The following SI variants were observed in gnomAD, a reference collection of about 807,000 sequenced individuals.
SI encodes sucrase-isomaltase.
A neutral mutation model predicts 253.3 loss-of-function variants in SI; 235 were observed. The ratio of observed to expected loss-of-function variants is 0.93; its 90% CI spans 0.83 to 1.03. The LOEUF is 1.03. SI is among the 50% of genes least tolerant of loss of function. The pLI is 0.00. For synonymous variants in SI, 819 were observed against 712.0 expected (o/e 1.15, Z -2.39); for missense variants, 2,442 against 2,211.1 (o/e 1.10, Z -2.09).
chr3:165,013,173 A>C, intron 33 of SI, 131 bp from the exon 34 acceptor site: 1 of 733,728 alleles, frequency 1.4e-6, no homozygotes, highest in Non-Finnish European at 2.5e-6. Context: ...CAATCCCTTC[A>C]AATCTCATTA....
intron 41 of SI, among the ~76,000 whole-genome samples, chr3:164,992,816 A>G (rs944605547): frequency 4.1e-4 from 63 of 152,046 alleles, no homozygotes; most frequent in African/African-American, 1.5e-3. Context: ...GAGTTTGCTT[A>G]TCTTACTTAA....
In SI at chr3:165,032,645, A is replaced by C; in HGVS notation, c.2613T>G (p.Thr871=). The C allele has an allele frequency of 6.2e-7, 1 of 1,607,960 alleles. No homozygotes were observed. The highest frequency in any genetic ancestry group is 8.5e-7 in the Non-Finnish European group (1 of 1,175,632). ...VCTHSSYQEG[T]TLAFQTVKIL... is the part of the protein sequence containing the mutation. ...TTTTTACAGTCTGAAATGCTAAGGT[A>C]GTTCCTTCCTGATATGATGAATGTG... The change falls in exon 24 of 48, where the codon ACT becomes ACG. Residue 871 remains threonine, a synonymous_variant. Coordinates refer to ENST00000264382, the MANE Select transcript of SI (RefSeq NM_001041.4).
intron 36 of SI, among the ~76,000 whole-genome samples, chr3:165,007,561 T>C (rs914986567): frequency 3.3e-5 from 5 of 151,932 alleles, no homozygotes; most frequent in Admixed American, 3.3e-4. Flanking sequence ...TATTTAACAT[T>C]TTTTGAATCT....
chr3:165,082,624 A>C (rs1250970660), upstream of SI, among the ~76,000 whole-genome samples: 1 of 151,936 alleles, frequency 6.6e-6, no homozygotes, highest in Non-Finnish European at 1.5e-5. Flanking sequence ...TCTCATATTA[A>C]AGCTATCCAT....
chr3:165,017,496 T>A, intron 31 of SI, 52 bp downstream of exon 31: 2 of 1,557,678 alleles, frequency 1.3e-6, no homozygotes, highest in Admixed American at 3.4e-5. Flanking sequence ...ATTATTTCAT[T>A]CTACTTTTAC....
chr3:165,040,965 T>G lies in SI; in HGVS notation c.2134A>C (p.Thr712Pro). 1 of 1,611,886 alleles carries G rather than the reference T, an allele frequency of 6.2e-7. No homozygotes were observed. The highest frequency in any genetic ancestry group is 1.1e-5 in the South Asian group (1 of 91,048). The change falls in exon 18 of 48, where the codon ACA (threonine) becomes CCA (proline). Residue 712 changes from threonine to proline, a missense_variant. Coordinates refer to ENST00000264382, the MANE Select transcript of SI (RefSeq NM_001041.4). ...TCATGAAGAACTGGTCTTGCTACTG[T>G]TTCTCCAAACACATGGGCTTTATAA... ...LFYKAHVFGE[T>P]VARPVLHEFY... is the part of the protein sequence containing the mutation.
intron 7 of SI, 89 bp downstream of exon 7, chr3:165,065,172 T>G: frequency 1.2e-6 from 1 of 861,904 alleles, no homozygotes; most frequent in Non-Finnish European, 1.9e-6. Context: ...AGTTGATCAG[T>G]TAAAATAAAT....
At chr3:165,077,233 C>G (rs1576930728) in intron 1 of SI, among the ~76,000 whole-genome samples, 2 of 151,506 alleles carry the variant, frequency 1.3e-5, no homozygotes, top group East Asian at 1.9e-4. Context: ...CAATCCCTCC[C>G]CATCCACTCT....
chr3:165,067,430 C>T lies in SI; in HGVS notation c.545G>A (p.Gly182Glu). The stretch of plus-strand genomic sequence containing the variant: ...ATACAACGTATCAGAAACTGTGGGT[C>T]CAGTAAACTCTTTTACATACTGATG... ...VPHQYVKEFT[G>E]PTVSDTLYDV... Residue 182 changes from glycine to glutamate, a missense_variant, in exon 6 of 48, where the codon GGA becomes GAA. Physicochemically the swap from Gly to Glu is moderately conservative, Grantham distance 98. Transcript: ENST00000264382. 1 of 1,611,334 alleles carries T rather than the reference C, an allele frequency of 6.2e-7. No homozygotes were observed. The highest frequency in any genetic ancestry group is 1.1e-5 in the South Asian group (1 of 91,026).
Position 165,062,473 on chromosome 3 carries a change from G to A in SI, c.918C>T (p.Ile306=). ...LMNSNAMEIF[I]QPTPIVTYRV... ...TATATGTTACTATTGGAGTAGGCTG[G>A]ATAAAAATCTCTGCAAAATAAAATT... is the stretch of plus-strand genomic sequence containing the variant. Residue 306 remains isoleucine (I), a synonymous_variant, in exon 9 of 48, where the codon ATC becomes ATT. Transcript: ENST00000264382. 6.4e-7 allele frequency: 1 copy of A among 1,573,594 alleles called. No individual in the cohort carries two copies. Among genetic ancestry groups the A allele is most frequent in the Non-Finnish European group, 8.7e-7 (1 of 1,144,252 alleles).
chr3:165,035,082 C>T (rs1235728980), intron 22 of SI, among the ~76,000 whole-genome samples: 3 of 151,808 alleles, frequency 2.0e-5, no homozygotes, highest in African/African-American at 7.3e-5. Flanking sequence ...CATCAACTGA[C>T]AAAGGGAACA....
chr3:165,042,514 G>T (rs13067828), intron 17 of SI, among the ~76,000 whole-genome samples: 88,292 of 151,864 alleles, frequency 0.58, 26,042 homozygotes, highest in East Asian at 0.81. Context: ...TGTATTGTCT[G>T]GCACTTCTGC....
chr3:165,074,623 T>C lies in SI; in HGVS notation c.163A>G (p.Thr55Ala), dbSNP rs1264411408. 12 of 1,610,718 alleles carry C rather than the reference T, an allele frequency of 7.5e-6. No homozygotes were observed. The highest frequency in any genetic ancestry group is 8.5e-6 in the Non-Finnish European group (10 of 1,177,700). The change falls in exon 3 of 48, where the codon ACA becomes GCA. Residue 55 changes from threonine to alanine, a missense_variant. Transcript: ENST00000264382. ...CATTTTCCTGAATCAGAAGGATTTGTAGTCACACGAGTAGTAGCTGGAGTT... is the reference window on the plus strand; with the variant it reads ...CATTTTCCTGAATCAGAAGGATTTGCAGTCACACGAGTAGTAGCTGGAGTT... The part of the protein sequence containing the change: ...TSTPATTRVT[T>A]NPSDSGKCPN...
intron 3 of SI, among the ~76,000 whole-genome samples, chr3:165,070,680 G>A (rs892890099): frequency 2.6e-5 from 4 of 151,866 alleles, no homozygotes; most frequent in Non-Finnish European, 5.9e-5. Context: ...TAAGAGGAAA[G>A]AAATAAGCAC....
intron 16 of SI, among the ~76,000 whole-genome samples, chr3:165,046,542 C>T (rs981940844): frequency 1.8e-4 from 27 of 151,744 alleles, no homozygotes; most frequent in Middle Eastern, 3.3e-3. Flanking sequence ...TTTTCTTCAC[C>T]ATCTTATTTT....
In SI at chr3:165,047,005, G is replaced by T; in HGVS notation, c.1723C>A (p.Gln575Lys). ...CTTCTCTTATTAGGAAAAACTTTTT[G>T]TACAGCTCTAAAAATAAAACCAAAT... Reference protein sequence around the residue: ...SMAIATEQAVQKVFPNKRSFI... With the variant: ...SMAIATEQAVKKVFPNKRSFI... The change falls in exon 16 of 48, where the codon CAA (glutamine) becomes AAA (lysine). Residue 575 changes from glutamine (Q) to lysine (K), a missense_variant. By Grantham distance (53) the Gln-to-Lys change is moderately conservative. Transcript: ENST00000264382. 2.5e-6 allele frequency: 4 copies of T among 1,600,664 alleles called. No homozygotes were observed. The highest frequency in any genetic ancestry group is 3.4e-6 in the Non-Finnish European group (4 of 1,171,928).
chr3:165,044,504 ATTACAGG>A (rs2108224959), intron 16 of SI, among the ~76,000 whole-genome samples: 1 of 151,980 alleles, frequency 6.6e-6, no homozygotes, highest in East Asian at 1.9e-4. Context: ...CATTTCTCTG[ATTACAGG>A]GAAATTGAGA....
intron 47 of SI, among the ~76,000 whole-genome samples, chr3:164,980,155 C>A (rs573183598): frequency 5.1e-4 from 77 of 151,880 alleles, no homozygotes; most frequent in African/African-American, 1.9e-3. Context: ...TACTACCTAC[C>A]ACATACCAGG....
intron 25 of SI, among the ~76,000 whole-genome samples, chr3:165,024,774 C>T (rs774729081): frequency 6.6e-6 from 1 of 151,150 alleles, no homozygotes; most frequent in African/African-American, 2.4e-5. Flanking sequence ...ACTTCTCTGA[C>T]TACTGTTCTA....
Sources: gnomAD v4.1 joint callset for allele counts (sites outside exome capture counted in the v4.1 genomes callset) on GRCh38, gnomAD v4.1.1 for gene constraint, MANE v1.5 for transcripts, NCBI Gene and HGNC (gene_info 2026-07-23, HGNC 2026-07-21) for gene names.